Variants in MTCL1 observed in about 807,000 individuals in gnomAD.
MTCL1 encodes the protein microtubule cross-linking factor 1.
MTCL1 carries 79 observed loss-of-function variants against 141.4 expected under a neutral mutation model. That is an observed-to-expected ratio of 0.56 (90% CI 0.47 to 0.67). The LOEUF is 0.67. Ranked by LOEUF, MTCL1 falls within the 30% of genes least tolerant of loss-of-function variation. The pLI, the probability that MTCL1 is intolerant of heterozygous loss-of-function variation, is 0.00. For synonymous variants in MTCL1, 914 were observed against 875.8 expected (o/e 1.04, Z -0.77); for missense variants, 2,177 against 2,113.9 (o/e 1.03, Z -0.59).
chr18:8,725,325 G>T (rs73939511), intron 4 of MTCL1, among the ~76,000 whole-genome samples: 8,850 of 152,202 alleles, frequency 0.058, 333 homozygotes, highest in African/African-American at 0.097. Context: ...GTTTGGTTGA[G>T]ACTTCTTTTG....
intron 4 of MTCL1, among the ~76,000 whole-genome samples, chr18:8,733,924 G>A (rs1202879926): frequency 6.6e-6 from 1 of 152,052 alleles, no homozygotes; most frequent in Non-Finnish European, 1.5e-5. Context: ...TGGATATGTC[G>A]TTTTTATCTT....
intron 4 of MTCL1, among the ~76,000 whole-genome samples, chr18:8,765,745 C>A (rs950128349): frequency 6.6e-6 from 1 of 152,164 alleles, no homozygotes. Context: ...TAGAAGGACC[C>A]GGGACATGTA....
chr18:8,810,828 A>T lies in MTCL1; in HGVS notation c.2605-2151A>T, dbSNP rs2076458717. On this transcript the variant is annotated intron_variant, in intron 11 of 16. Coordinates refer to ENST00000359865, the Ensembl canonical transcript of MTCL1. This position sits in a 1 kb window ranked among gnomAD's most constrained non-coding sequence, Gnocchi z 5.0. ...AATTGATCAAGAAGCGTCACCACTGACCTGTGCCCGTGGCTGTCATCTGCT... is the reference window on the plus strand; with the variant it reads ...AATTGATCAAGAAGCGTCACCACTGTCCTGTGCCCGTGGCTGTCATCTGCT... 6.6e-6 allele frequency among the ~76,000 whole-genome samples: 1 copy of T among 152,138 alleles called. No individual in the cohort carries two copies. The highest frequency in any genetic ancestry group is 2.4e-5 in the African/African-American group (1 of 41,412).
intron 7 of MTCL1, among the ~76,000 whole-genome samples, chr18:8,788,822 C>A (rs1025812684): frequency 6.6e-6 from 1 of 152,268 alleles, no homozygotes. Context: ...AATGCAACCA[C>A]GCAAAAATGA....
intron 10 of MTCL1, among the ~76,000 whole-genome samples, chr18:8,799,396 C>G (rs2076039933): frequency 6.6e-6 from 1 of 152,212 alleles, no homozygotes; most frequent in South Asian, 2.1e-4. Context: ...CTATGTACAC[C>G]TGTCCCCACT....
At chr18:8,710,457 CT>C (rs59830434) in intron 1 of MTCL1, among the ~76,000 whole-genome samples, 24,298 of 121,342 alleles carry the variant, frequency 0.2, 2,081 homozygotes, top group African/African-American at 0.42. Context: ...CAGGCACTTT[CT>C]TTTTTTTTTT....
chr18:8,744,870 C>CT (rs1396726204), intron 4 of MTCL1, among the ~76,000 whole-genome samples: 1 of 152,200 alleles, frequency 6.6e-6, no homozygotes, highest in Non-Finnish European at 1.5e-5. Context: ...CTCCACCCCC[C>CT]GGAAGTTCCC....
At position 8,761,780 on chromosome 18, in the gene MTCL1, G is replaced by A. The variant is rs374290241; in HGVS notation, c.358-16053G>A. On this transcript the variant is annotated intron_variant, in intron 4 of 16. Transcript: ENST00000359865. ...CCCCTTTATAAAACCATCACATTTC[G>A]TGAGACTTATTCATTATCACGAGAA... 5.3e-5 allele frequency among the ~76,000 whole-genome samples: 8 copies of A among 152,238 alleles called. No individual in the cohort carries two copies. In the East Asian group the frequency reaches 5.8e-4, roughly 11 times the overall value.
At chr18:8,728,771 C>T (rs2096233127) in intron 4 of MTCL1, among the ~76,000 whole-genome samples, 1 of 51,864 alleles carries the variant, frequency 1.9e-5, no homozygotes, top group South Asian at 8.0e-4. Context: ...CGCTCTGTCG[C>T]CCAGGCTGGA....
chr18:8,825,885 C>G, exon 15 of MTCL1: 1 of 1,613,910 alleles, frequency 6.2e-7, no homozygotes, highest in Non-Finnish European at 8.5e-7. Context: ...GGTGCAGGAC[C>G]CCTTCCAGAA....
At chr18:8,781,441 T>A (rs1013838186) in intron 5 of MTCL1, among the ~76,000 whole-genome samples, 2 of 152,028 alleles carry the variant, frequency 1.3e-5, no homozygotes, top group African/African-American at 4.8e-5. Context: ...CCCAACCAAA[T>A]CCTTCATGTG....
intron 10 of MTCL1, among the ~76,000 whole-genome samples, chr18:8,799,118 G>A (rs1030497252): frequency 6.6e-6 from 1 of 152,240 alleles, no homozygotes; most frequent in Non-Finnish European, 1.5e-5. Context: ...GGATGCGGCA[G>A]TCATATGGGC....
intron 4 of MTCL1, among the ~76,000 whole-genome samples, chr18:8,722,473 A>G (rs968483652): frequency 6.6e-6 from 1 of 152,234 alleles, no homozygotes; most frequent in Non-Finnish European, 1.5e-5. Context: ...TGTAGACTGG[A>G]AGCCTTCCTG....
intron 14 of MTCL1, among the ~76,000 whole-genome samples, chr18:8,821,969 T>G (rs183162058): frequency 6.6e-6 from 1 of 152,312 alleles, no homozygotes; most frequent in East Asian, 1.9e-4. Flanking sequence ...TACACACCAG[T>G]TTTTTCCTCC....
intron 4 of MTCL1, among the ~76,000 whole-genome samples, chr18:8,752,741 C>T (rs16954077): frequency 0.12 from 18,376 of 152,194 alleles, 2,535 homozygotes; most frequent in African/African-American, 0.33. Context: ...TTATCAGATG[C>T]TACCAGTTGC....
At chr18:8,738,857 T>C (rs2096286916) in intron 4 of MTCL1, among the ~76,000 whole-genome samples, 1 of 152,174 alleles carries the variant, frequency 6.6e-6, no homozygotes, top group Admixed American at 6.5e-5. Flanking sequence ...CAGTGCTATG[T>C]TGAAGCGAGA....
chr18:8,742,258 G>A (rs1473054395), intron 4 of MTCL1, among the ~76,000 whole-genome samples: 1 of 152,158 alleles, frequency 6.6e-6, no homozygotes, highest in Non-Finnish European at 1.5e-5. Context: ...CCTTTCCACA[G>A]ACTGCTTTTA....
At chr18:8,716,416 A>G (rs2096128434), upstream of MTCL1, among the ~76,000 whole-genome samples, 1 of 152,238 alleles carries the variant, frequency 6.6e-6, no homozygotes, top group African/African-American at 2.4e-5. Context: ...CCAGTAGACC[A>G]TTGTGTGCAG....
chr18:8,790,899 C>T (rs56238601), intron 7 of MTCL1, among the ~76,000 whole-genome samples: 13,570 of 152,172 alleles, frequency 0.089, 767 homozygotes, highest in Middle Eastern at 0.13. Context: ...CCTATAATCC[C>T]AGCTGCTCGG....
Sources: gnomAD v4.1 joint callset for allele counts (sites outside exome capture counted in the v4.1 genomes callset) on GRCh38, gnomAD v4.1.1 for gene constraint, Gnocchi (gnomAD v3.1) non-coding constraint, MANE v1.5 for transcripts, NCBI Gene and HGNC (gene_info 2026-07-23, HGNC 2026-07-21) for gene names.